Variants in DHX34 observed in about 807,000 individuals in gnomAD.
DHX34 encodes DExH-box helicase 34, also known as probable ATP-dependent RNA helicase DHX34.
DHX34 carries 96 observed loss-of-function variants against 111.1 expected under a neutral mutation model. The ratio of observed to expected loss-of-function variants is 0.86; its 90% confidence interval spans 0.73 to 1.02. DHX34 has a LOEUF of 1.02. Ranked by LOEUF, DHX34 falls within the 50% of genes least tolerant of loss-of-function variation. DHX34 has a pLI of 0.00. For synonymous variants in DHX34, 688 were observed against 670.4 expected (o/e 1.03, Z -0.41); for missense variants, 1,560 against 1,579.9 (o/e 0.99, Z 0.21).
intron 7 of DHX34, among the ~76,000 whole-genome samples, chr19:47,370,678 A>ATTTATTTATTTATTTAGAGATGGAGTT (rs1269578096): frequency 4.0e-5 from 2 of 50,192 alleles, no homozygotes; most frequent in African/African-American, 6.3e-5. Context: ...TGTTTTATTT[A>ATTTATTTATTTATTTAGAGATGGAGTT]TTTATTTATT....
At chr19:47,349,436 G>C (rs1427566684) in intron 1 of DHX34, 84 bp downstream of exon 1, 1 of 152,452 alleles carries the variant, frequency 6.6e-6, no homozygotes, top group Non-Finnish European at 1.5e-5. Context: ...AGTTTGGGGT[G>C]CGAGTCCAGG....
In DHX34 at chr19:47,382,296, C is replaced by A; in HGVS notation, c.*183C>A. 2 of 1,091,182 alleles carry A rather than the reference C, an allele frequency of 1.8e-6. No homozygotes were observed. The highest frequency in any genetic ancestry group is 2.5e-6 in the Non-Finnish European group (2 of 799,242). 67.6% of individuals were successfully genotyped at this position (1,091,182 alleles called of 1,614,324 possible). ...ATGCTGATACACACTGTTAGGCCTG[C>A]ACCTGCCCATCCAGAAAGCAGCAGC... On this transcript the variant is annotated 3_prime_UTR_variant, in exon 17 of 17. Transcript: ENST00000328771.
chr19:47,376,985 A>C (rs1219070181), intron 12 of DHX34, 115 bp from the exon 13 acceptor site: 1 of 1,565,160 alleles, frequency 6.4e-7, no homozygotes, highest in African/African-American at 1.4e-5. Context: ...CACCAAAGCC[A>C]TGCCGTAAGC....
In DHX34 at chr19:47,367,093, G is replaced by A. The variant is rs536505478; in HGVS notation, c.1706G>A (p.Ser569Asn). ...LYLRDQGALD[S>N]SEALTPIGSL... ...CTCCGGGACCAGGGGGCCCTGGACA[G>A]CTCAGAGGCCCTCACACCCATTGGG... is the stretch of plus-strand genomic sequence containing the variant. Residue 569 changes from serine (S) to asparagine (N), a missense_variant, in exon 7 of 17, where the codon AGC becomes AAC. Transcript: ENST00000328771. The A allele has an allele frequency of 1.6e-4, 261 of 1,602,384 alleles. 1 individual carries two copies. In the East Asian group the frequency reaches 5.9e-3, roughly 36 times the overall value.
chr19:47,362,514 C>T lies in DHX34; in HGVS notation c.1414C>T (p.Leu472=), dbSNP rs576592618. 8.3e-5 allele frequency: 133 copies of T among 1,604,004 alleles called. 1 individual carries two copies. In the East Asian group the frequency reaches 2.4e-3, roughly 29 times the overall value. ...KEMSYDPQAK[L]QRLQEFWISQ... is the part of the protein sequence containing the mutation. Reference sequence around the variant, plus strand: ...GATGAGCTACGATCCGCAGGCCAAGCTGCAACGGCTGCAGGAGTTCTGGAT... The same window carrying T: ...GATGAGCTACGATCCGCAGGCCAAGTTGCAACGGCTGCAGGAGTTCTGGAT... The change falls in exon 6 of 17, where the codon CTG becomes TTG. Residue 472 remains leucine, a synonymous_variant. Transcript: ENST00000328771.
chr19:47,369,173 C>T (rs867724108), intron 7 of DHX34, among the ~76,000 whole-genome samples: 6 of 152,078 alleles, frequency 3.9e-5, no homozygotes, highest in Middle Eastern at 3.2e-3. Context: ...CCACCGTGCC[C>T]GGCCAGTATT....
At position 47,355,085 on chromosome 19, in the gene DHX34, A is replaced by C. The variant is rs1438094769; in HGVS notation, c.752A>C (p.Lys251Thr). ...GAGAGCACACGTTCGGCGGCCACCA[A>C]GATTGTATTCCTGACAGTGGGGCTG... ...RFESTRSAAT[K>T]IVFLTVGLLL... The change falls in exon 3 of 17, where the codon AAG becomes ACG. Residue 251 changes from lysine to threonine, a missense_variant. By Grantham distance (78) the Lys-to-Thr change is moderately conservative. Coordinates refer to ENST00000328771, the MANE Select transcript of DHX34 (RefSeq NM_014681.6). The C allele has an allele frequency of 1.2e-6, 2 of 1,613,874 alleles. No homozygotes were observed. Among genetic ancestry groups the C allele is most frequent in the Non-Finnish European group, 1.7e-6 (2 of 1,180,000 alleles).
chr19:47,363,121 T>C (rs1599760707), intron 6 of DHX34, among the ~76,000 whole-genome samples: 1 of 152,084 alleles, frequency 6.6e-6, no homozygotes, highest in African/African-American at 2.4e-5. Context: ...CAGTTAATTT[T>C]TTGTATTTTT....
chr19:47,377,332 C>T, intron 13 of DHX34, 126 bp downstream of exon 13: 1 of 980,986 alleles, frequency 1.0e-6, no homozygotes. Flanking sequence ...CAGGCGTCAG[C>T]CTTGGGCCGT....
intron 9 of DHX34, among the ~76,000 whole-genome samples, chr19:47,373,951 C>A (rs965728011): frequency 6.6e-6 from 1 of 152,152 alleles, no homozygotes; most frequent in Non-Finnish European, 1.5e-5. Flanking sequence ...AGCTCGCCCT[C>A]CGGACTGGGG....
chr19:47,359,641 G>A (rs1255394928), intron 4 of DHX34, among the ~76,000 whole-genome samples: 5 of 152,044 alleles, frequency 3.3e-5, no homozygotes, highest in Non-Finnish European at 7.4e-5. Context: ...AATTAGCCGG[G>A]CATGGTGGCG....
chr19:47,381,349 G>A (rs781266721), intron 16 of DHX34, 25 bp downstream of exon 16: 13 of 1,600,866 alleles, frequency 8.1e-6, no homozygotes, highest in East Asian at 6.7e-5. Flanking sequence ...GTGGGGACCC[G>A]GCCACCTCTG....
intron 7 of DHX34, among the ~76,000 whole-genome samples, chr19:47,369,570 G>T (rs1030955128): frequency 6.6e-6 from 1 of 152,220 alleles, no homozygotes; most frequent in Non-Finnish European, 1.5e-5. Context: ...GATGGACAGG[G>T]GCAGATAAAT....
chr19:47,355,308 T>C lies in DHX34; in HGVS notation c.975T>C (p.Asn325=), dbSNP rs1187755719. 3 of 1,614,166 alleles carry C rather than the reference T, an allele frequency of 1.9e-6. No individual in the cohort carries two copies. Among genetic ancestry groups the C allele is most frequent in the Admixed American group, 3.3e-5 (2 of 60,016 alleles). ...CGCTCTTCTCCAGCTATTTCAGCAA[T>C]GCCCCTGTGGTACAGGTGCCTGGGA... is the stretch of plus-strand genomic sequence containing the variant. The part of the protein sequence containing the change: ...NISLFSSYFS[N]APVVQVPGRL... Residue 325 remains asparagine, a synonymous_variant, in exon 3 of 17, where the codon AAT becomes AAC. Transcript: ENST00000328771.
chr19:47,377,975 C>T (rs1303231858), intron 13 of DHX34, among the ~76,000 whole-genome samples: 1 of 152,164 alleles, frequency 6.6e-6, no homozygotes, highest in Non-Finnish European at 1.5e-5. Context: ...AGTCCTCACG[C>T]AGCCCTGTGG....
intron 6 of DHX34, among the ~76,000 whole-genome samples, chr19:47,365,643 G>A (rs1050790185): frequency 8.5e-5 from 13 of 152,176 alleles, no homozygotes; most frequent in Non-Finnish European, 1.8e-4. Context: ...GCTTGCAGGT[G>A]GACGCCAGAA....
intron 9 of DHX34, 29 bp from the exon 10 acceptor site, chr19:47,375,437 G>A (rs1376455723): frequency 6.4e-7 from 1 of 1,559,438 alleles, no homozygotes; most frequent in Non-Finnish European, 8.6e-7. Context: ...TCTGCCCTGA[G>A]GCCCTCACCC....
chr19:47,353,498 G>C lies in DHX34; in HGVS notation c.468G>C (p.Gln156His). ...CATTTGGGCGTCTGGCCAAGCTGCA[G>C]CGTGAGCGGGCAGCCCTCCCCATCG... Reference protein sequence around the residue: ...KQAFGRLAKLQRERAALPIAQ... With the variant: ...KQAFGRLAKLHRERAALPIAQ... Residue 156 changes from glutamine (Q) to histidine (H), a missense_variant, in exon 2 of 17, where the codon CAG (glutamine) becomes CAC (histidine). Physicochemically the swap from Gln to His is conservative, Grantham distance 24 (BLOSUM62 0). Transcript: ENST00000328771. This position sits in a 1 kb window ranked among gnomAD's most constrained non-coding sequence, Gnocchi z 4.6. 6.2e-7 allele frequency: 1 copy of C among 1,613,980 alleles called. No homozygotes were observed.
intron 11 of DHX34, 158 bp from the exon 12 acceptor site, chr19:47,376,285 G>A: frequency 1.4e-6 from 2 of 1,474,214 alleles, no homozygotes; most frequent in South Asian, 2.7e-5. Flanking sequence ...GGAGTCAAGA[G>A]CACTATAGGA....
Sources: allele counts gnomAD v4.1 joint callset (sites outside exome capture counted in the v4.1 genomes callset), GRCh38; gene constraint gnomAD v4.1.1; non-coding constraint Gnocchi (gnomAD v3.1); transcripts MANE v1.5; gene names NCBI Gene and HGNC (gene_info 2026-07-23, HGNC 2026-07-21).